The following PLXNA1 variants were observed in gnomAD, a reference collection of about 807,000 sequenced individuals.
PLXNA1 encodes the protein plexin A1.
A neutral mutation model predicts 191.7 loss-of-function variants in PLXNA1; 77 were observed. The ratio of observed to expected loss-of-function variants is 0.40; its 90% CI spans 0.33 to 0.49. The LOEUF (loss-of-function observed/expected upper bound fraction) is 0.49, where lower values mean the gene tolerates loss of function less well. Ranked by LOEUF, PLXNA1 falls within the 20% of genes least tolerant of loss-of-function variation. PLXNA1 has a pLI of 0.63. For missense variants in PLXNA1, 2,110 were observed against 2,660.2 expected (o/e 0.79, Z 4.55); for synonymous variants, 1,137 against 1,156.4 (o/e 0.98, Z 0.34).
chr3:127,003,368 C>G lies in PLXNA1; in HGVS notation c.1416C>G (p.Ala472=). Residue 472 remains alanine (A), a synonymous_variant, in exon 4 of 32, where the codon GCC becomes GCG. Transcript: ENST00000393409. ...TCTCAAACCCCGGTGGCCGGCCTGC[C>G]CTGGCCTACGAGAGCGTCGTGGCCC... The part of the protein sequence containing the change: ...VDLSNPGGRP[A]LAYESVVAQE... The G allele has an allele frequency of 6.2e-7, 1 of 1,611,354 alleles. No homozygotes were observed. The highest frequency in any genetic ancestry group is 8.5e-7 in the Non-Finnish European group (1 of 1,178,906).
At chr3:126,998,376 G>C (rs1008853831) in intron 3 of PLXNA1, among the ~76,000 whole-genome samples, 2 of 152,140 alleles carry the variant, frequency 1.3e-5, no homozygotes, top group African/African-American at 4.8e-5. Context: ...CAGGCAGCTG[G>C]TGGGTTTGAG....
At chr3:127,029,853 G>T (rs374511204) in intron 27 of PLXNA1, 21 bp from the exon 28 acceptor site, 4 of 1,581,094 alleles carry the variant, frequency 2.5e-6, no homozygotes, top group Non-Finnish European at 3.5e-6. Flanking sequence ...CAACGCGGGC[G>T]CTGACAGCCT....
chr3:127,004,403 C>T (rs2107627039), intron 4 of PLXNA1, among the ~76,000 whole-genome samples: 1 of 152,348 alleles, frequency 6.6e-6, no homozygotes, highest in Middle Eastern at 3.4e-3. Flanking sequence ...TTCTCTCTGG[C>T]TGCTGCCCCC....
chr3:127,014,679 TC>T, intron 13 of PLXNA1, 31 bp from the exon 14 acceptor site: 1 of 1,610,754 alleles, frequency 6.2e-7, no homozygotes, highest in South Asian at 1.1e-5. Context: ...GGGGCGGGGC[TC>T]CTGCAGCCCC....
At position 127,030,305 on chromosome 3, in the gene PLXNA1, C is replaced by T; in HGVS notation, c.5124C>T (p.Gly1708=). ...FETIFSTAHR[G]SALPLAIKYM... The stretch of plus-strand genomic sequence containing the variant: ...CCATCTTCAGCACGGCACACCGGGG[C>T]TCAGCCCTGCCGCTGGCCATCAAGT... Residue 1708 remains glycine, a synonymous_variant, in exon 29 of 32, where the codon GGC becomes GGT. Transcript: ENST00000393409. 6.2e-7 allele frequency: 1 copy of T among 1,613,930 alleles called. No homozygotes were observed. The highest frequency in any genetic ancestry group is 8.5e-7 in the Non-Finnish European group (1 of 1,180,020).
chr3:126,998,314 G>T (rs2079024059), intron 3 of PLXNA1, among the ~76,000 whole-genome samples: 3 of 152,190 alleles, frequency 2.0e-5, no homozygotes, highest in Non-Finnish European at 2.9e-5. Flanking sequence ...GGTGGCACTA[G>T]GGTCAGAGCT....
Position 127,012,045 on chromosome 3 carries a change from C to T in PLXNA1, c.2200C>T (p.Gln734Ter). Reference sequence around the variant, plus strand: ...CACCCTGGCCGCACGGAACCTGCCACAGCCACAGTCAGGCCAGCGTGGATA... The same window carrying T: ...CACCCTGGCCGCACGGAACCTGCCATAGCCACAGTCAGGCCAGCGTGGATA... ...PITLAARNLP[Q>*]PQSGQRGYEC... Residue 734 changes from glutamine to a stop codon, truncating the protein, a stop_gained, in exon 10 of 32, where the codon CAG (glutamine) becomes TAG (stop). Coordinates refer to ENST00000393409, the MANE Select transcript of PLXNA1 (RefSeq NM_032242.4). LOFTEE classifies it high-confidence loss of function. 1 of 1,613,868 alleles carries T rather than the reference C, an allele frequency of 6.2e-7. No individual in the cohort carries two copies.
chr3:127,002,043 C>T (rs1004215177), intron 3 of PLXNA1, among the ~76,000 whole-genome samples: 1 of 152,256 alleles, frequency 6.6e-6, no homozygotes, highest in Admixed American at 6.5e-5. Context: ...CAGGCAGGCA[C>T]GGGTGCACTT....
At chr3:126,983,869 C>T (rs992452982) in intron 1 of PLXNA1, among the ~76,000 whole-genome samples, 4 of 152,082 alleles carry the variant, frequency 2.6e-5, no homozygotes, top group East Asian at 1.9e-4. Flanking sequence ...GCAGGCTAAG[C>T]CCCCGGCCGG....
At chr3:127,007,772 G>A (rs1359941050) in intron 8 of PLXNA1, 27 bp from the exon 9 acceptor site, 8 of 1,536,524 alleles carry the variant, frequency 5.2e-6, no homozygotes, top group Non-Finnish European at 7.2e-6. Flanking sequence ...GGGTCCCCAG[G>A]CTTCAGCACC....
At chr3:126,997,264 C>T (rs1479822287) in intron 3 of PLXNA1, among the ~76,000 whole-genome samples, 2 of 152,164 alleles carry the variant, frequency 1.3e-5, no homozygotes, top group East Asian at 3.8e-4. Context: ...GGATGGATTT[C>T]TTTGGGGTTT....
chr3:127,027,586 G>A (rs1371924709), intron 23 of PLXNA1: 3 of 444,414 alleles, frequency 6.8e-6, no homozygotes, highest in East Asian at 6.4e-5. Context: ...GAGCTAGGCG[G>A]GGATCCTGCT....
chr3:126,988,859 T>C lies in PLXNA1; in HGVS notation c.266T>C (p.Val89Ala). ...TLLRAHVTGP[V>A]EDNEKCYPPP... ...CTGCGGGCCCACGTCACGGGCCCTG[T>C]GGAGGACAACGAGAAGTGCTACCCG... The change falls in exon 2 of 32, where the codon GTG becomes GCG. Residue 89 changes from valine to alanine, a missense_variant. Transcript: ENST00000393409. 1 of 1,613,430 alleles carries C rather than the reference T, an allele frequency of 6.2e-7. No homozygotes were observed. Among genetic ancestry groups the C allele is most frequent in the African/African-American group, 1.3e-5 (1 of 75,076 alleles).
At position 127,029,553 on chromosome 3, in the gene PLXNA1, C is replaced by G. The variant is rs376007353; in HGVS notation, c.4870+17C>G. 6.2e-7 allele frequency: 1 copy of G among 1,610,076 alleles called. No individual in the cohort carries two copies. The highest frequency in any genetic ancestry group is 8.5e-7 in the Non-Finnish European group (1 of 1,176,756). ...GCAGATACGGTGAGGGGCCAGGCAGCGGGCGAGAGGGCAGCGCATGGGTCC... is the reference window on the plus strand; with the variant it reads ...GCAGATACGGTGAGGGGCCAGGCAGGGGGCGAGAGGGCAGCGCATGGGTCC... On this transcript the variant is annotated intron_variant, in intron 27 of 31. Coordinates refer to ENST00000393409, the MANE Select transcript of PLXNA1 (RefSeq NM_032242.4).
rs1235822822 is a variant in PLXNA1, at chr3:127,030,026, G to A, written c.5023G>A (p.Val1675Ile). Reference protein sequence around the residue: ...QREGDRGSKMVSEIYLTRLLA... With the variant: ...QREGDRGSKMISEIYLTRLLA... ...TGAGGGTGACCGCGGCAGCAAGATG[G>A]TCTCGGAGATCTACTTGACACGGCT... is the stretch of plus-strand genomic sequence containing the variant. Residue 1675 changes from valine to isoleucine, a missense_variant, in exon 28 of 32, where the codon GTC becomes ATC. Val to Ile is a conservative substitution (Grantham distance 29). Around this residue, in one of 4 missense-constraint regions of PLXNA1, gnomAD observed 559 missense variants for 911.5 expected, o/e 0.61. Coordinates refer to ENST00000393409, the MANE Select transcript of PLXNA1 (RefSeq NM_032242.4). The A allele has an allele frequency of 5.0e-6, 8 of 1,613,404 alleles. No individual in the cohort carries two copies.
At position 127,022,168 on chromosome 3, in the gene PLXNA1, G is replaced by A. The variant is rs9289290; in HGVS notation, c.4122G>A (p.Thr1374=). The change falls in exon 22 of 32, where the codon ACG becomes ACA. Residue 1374 remains threonine (T), a synonymous_variant. Coordinates refer to ENST00000393409, the MANE Select transcript of PLXNA1 (RefSeq NM_032242.4). ...KKHFLLTFIR[T]LEAQRSFSMR... is the part of the protein sequence containing the mutation. Reference sequence around the variant, plus strand: ...ACTTCCTGCTGACCTTCATCCGCACGCTGGAGGCACAGCGCAGCTTCTCCA... The same window carrying A: ...ACTTCCTGCTGACCTTCATCCGCACACTGGAGGCACAGCGCAGCTTCTCCA... 0.057 allele frequency: 91,571 copies of A among 1,613,260 alleles called. 3,221 individuals are homozygous for A. Among genetic ancestry groups the A allele is most frequent in the South Asian group, 0.13 (11,900 of 91,032 alleles).
rs567137511 is a variant in PLXNA1 at position 126,988,845 on chromosome 3, C to T, written c.252C>T (p.His84=). The change falls in exon 2 of 32, where the codon CAC becomes CAT. Residue 84 remains histidine (H), a synonymous_variant. Coordinates refer to ENST00000393409, the MANE Select transcript of PLXNA1 (RefSeq NM_032242.4). ...GGAACCTGACACTGCTGCGGGCCCA[C>T]GTCACGGGCCCTGTGGAGGACAACG... ...LSGNLTLLRA[H]VTGPVEDNEK... 2.2e-5 allele frequency: 36 copies of T among 1,613,418 alleles called. No homozygotes were observed. In the South Asian group the frequency reaches 2.4e-4, roughly 11 times the overall value.
At chr3:127,028,419 C>A (rs529406371) in intron 25 of PLXNA1, 79 bp downstream of exon 25, 35 of 1,462,974 alleles carry the variant, frequency 2.4e-5, no homozygotes, top group Non-Finnish European at 3.1e-5. Context: ...CTGAGCTTGG[C>A]GGGGAAGGCC....
At position 127,014,032 on chromosome 3, in the gene PLXNA1, G is replaced by A. The variant is rs776673473; in HGVS notation, c.2326G>A (p.Gly776Arg). 2 of 1,613,686 alleles carry A rather than the reference G, an allele frequency of 1.2e-6. No homozygotes were observed. Among genetic ancestry groups the A allele is most frequent in the African/African-American group, 1.3e-5 (1 of 74,924 alleles). ...CATCACCTAACAGTACTCCTACGAGGGGAACGATGTCAGCGACCTGCCAGT... is the reference window on the plus strand; with the variant it reads ...CATCACCTAACAGTACTCCTACGAGAGGAACGATGTCAGCGACCTGCCAGT... ...QCQNSSYSYE[G>R]NDVSDLPVNL... Residue 776 changes from glycine to arginine, a missense_variant, in exon 11 of 32, where the codon GGG becomes AGG. By Grantham distance (125) the Gly-to-Arg change is moderately radical (BLOSUM62 -2). This residue lies in a region of PLXNA1 where 644 missense variants were observed against 714.3 expected (regional missense o/e 0.90). Coordinates refer to ENST00000393409, the MANE Select transcript of PLXNA1 (RefSeq NM_032242.4).
Sources: allele counts gnomAD v4.1 joint callset (sites outside exome capture counted in the v4.1 genomes callset), GRCh38; gene constraint gnomAD v4.1.1; regional missense constraint gnomAD v4.1.1; transcripts MANE v1.5; gene names NCBI Gene and HGNC (gene_info 2026-07-23, HGNC 2026-07-21).